CACNA2D1: variants seen among roughly 807,000 people sequenced by gnomAD.
The protein encoded by CACNA2D1 is voltage-dependent calcium channel subunit alpha-2/delta-1.
In CACNA2D1, 53 loss-of-function variants were observed where a neutral mutation model predicts 171.5. The ratio of observed to expected loss-of-function variants is 0.31; its 90% CI spans 0.25 to 0.39. The LOEUF is 0.39. Among genes scored for constraint, CACNA2D1 ranks in the 10% least tolerant of loss-of-function variants. The pLI is 1.00. For synonymous variants in CACNA2D1, 442 were observed against 443.1 expected (o/e 1.00, Z 0.03); for missense variants, 903 against 1,299.8 (o/e 0.69, Z 4.69).
chr7:82,349,502 T>C (rs1819605613), intron 2 of CACNA2D1, 66 bp downstream of exon 2: 5 of 1,230,036 alleles, frequency 4.1e-6, no homozygotes, highest in Middle Eastern at 2.2e-4. Context: ...CACAGTTTCC[T>C]AGAAGATAGA....
At position 81,946,533 on chromosome 7, in the gene CACNA2D1, CAG is replaced by C. The variant is rs1792064491; in HGVS notation, c.*3857_*3858del. Reference sequence around the variant, plus strand: ...TTCTGGGATTATAAATATTTTATAACAGTATTATACAAATTTTTACAAAATGT... The same window carrying C: ...TTCTGGGATTATAAATATTTTATAACTATTATACAAATTTTTACAAAATGT... On this transcript the variant is annotated 3_prime_UTR_variant, in exon 39 of 39. Transcript: ENST00000356860. The C allele has an allele frequency of 6.6e-6, 1 of 152,104 alleles. No homozygotes were observed. Among genetic ancestry groups the C allele is most frequent in the South Asian group, 2.1e-4 (1 of 4,828 alleles). 9.4% of individuals were successfully genotyped at this position (152,104 alleles called of 1,614,324 possible). A position where few individuals can be genotyped will look rare whatever the true frequency, so the allele number is the denominator to read the frequency against.
At chr7:82,334,210 A>G (rs1057498931) in intron 3 of CACNA2D1, among the ~76,000 whole-genome samples, 1 of 152,180 alleles carries the variant, frequency 6.6e-6, no homozygotes, top group Non-Finnish European at 1.5e-5. Flanking sequence ...ATATGTATCA[A>G]TGTGGGCTCA....
At chr7:82,092,600 A>T (rs1416415240) in intron 6 of CACNA2D1, among the ~76,000 whole-genome samples, 2 of 125,380 alleles carry the variant, frequency 1.6e-5, no homozygotes, top group African/African-American at 3.3e-5. Context: ...TCACCATGTT[A>T]GCTGGGATGG....
chr7:82,250,795 T>G (rs1163513152), intron 3 of CACNA2D1, among the ~76,000 whole-genome samples: 2 of 152,164 alleles, frequency 1.3e-5, no homozygotes, highest in Admixed American at 6.5e-5. Context: ...GAGTTCTGGT[T>G]TACTGGTAAT....
intron 18 of CACNA2D1, among the ~76,000 whole-genome samples, chr7:82,002,806 A>G (rs1253691016): frequency 2.6e-5 from 4 of 152,156 alleles, no homozygotes; most frequent in African/African-American, 7.2e-5. Context: ...TGAATCCTTA[A>G]AAAATTAAAT....
intron 1 of CACNA2D1, among the ~76,000 whole-genome samples, chr7:82,357,361 A>G (rs1257110127): frequency 2.0e-5 from 3 of 152,166 alleles, no homozygotes; most frequent in Non-Finnish European, 4.4e-5. Context: ...CTGTAAAAGT[A>G]TAACAGTTGA....
At chr7:82,307,438 C>T (rs1354922508) in intron 3 of CACNA2D1, among the ~76,000 whole-genome samples, 2 of 151,076 alleles carry the variant, frequency 1.3e-5, no homozygotes, top group South Asian at 2.1e-4. Flanking sequence ...ATTACAGGAG[C>T]GAGCCACCAT....
intron 1 of CACNA2D1, among the ~76,000 whole-genome samples, chr7:82,410,941 A>C (rs950725995): frequency 6.6e-6 from 1 of 152,326 alleles, no homozygotes; most frequent in Admixed American, 6.5e-5. Context: ...ATTCTAAAAT[A>C]AGCTTCTTTG....
rs1325510094 is a variant in CACNA2D1 at position 82,060,169 on chromosome 7, T to TATATATA, written c.879+252_879+258dup. Among the ~76,000 whole-genome samples the TATATATA allele has an allele frequency of 1.6e-3, 38 of 23,962 alleles. 3 individuals are homozygous for TATATATA. The highest frequency in any genetic ancestry group is 0.016 in the Middle Eastern group (1 of 64). 15.7% of individuals were successfully genotyped at this position (23,962 alleles called of 152,430 possible). A position where few individuals can be genotyped will look rare whatever the true frequency, so the allele number is the denominator to read the frequency against. Reference sequence around the variant, plus strand: ...ATATATGTATTATATATATATAATATATATATATAATATATATATATTATA... The same window carrying TATATATA: ...ATATATGTATTATATATATATAATATATATATAATATATATAATATATATATATTATA... On this transcript the variant is annotated intron_variant, in intron 10 of 38. Transcript: ENST00000356860.
intron 4 of CACNA2D1, among the ~76,000 whole-genome samples, chr7:82,139,854 G>A (rs1187032697): frequency 3.3e-5 from 5 of 149,806 alleles, no homozygotes; most frequent in Non-Finnish European, 5.9e-5. Flanking sequence ...GCATGATCTC[G>A]GCTCACTGCA....
intron 25 of CACNA2D1, among the ~76,000 whole-genome samples, chr7:81,973,471 G>C (rs1795507121): frequency 6.6e-6 from 1 of 151,968 alleles, no homozygotes; most frequent in Non-Finnish European, 1.5e-5. Context: ...TTAAGAGTCA[G>C]CTTTAAGAAA....
At chr7:82,351,388 G>A (rs1394909999) in intron 1 of CACNA2D1, among the ~76,000 whole-genome samples, 1 of 151,728 alleles carries the variant, frequency 6.6e-6, no homozygotes, top group Non-Finnish European at 1.5e-5. Flanking sequence ...AGAATGATGA[G>A]CTGATAAGAG....
chr7:82,364,042 T>C (rs1049208884), intron 1 of CACNA2D1, among the ~76,000 whole-genome samples: 10 of 152,134 alleles, frequency 6.6e-5, no homozygotes, highest in African/African-American at 2.4e-4. Flanking sequence ...AAGACCAGCC[T>C]GGCCAACATG....
chr7:82,305,742 T>C (rs1047191641), intron 3 of CACNA2D1, among the ~76,000 whole-genome samples: 10 of 152,218 alleles, frequency 6.6e-5, no homozygotes, highest in Non-Finnish European at 1.3e-4. Context: ...GATTTTCTCC[T>C]ATTAATTTGC....
chr7:82,021,856 G>A (rs1169505407), intron 12 of CACNA2D1, among the ~76,000 whole-genome samples: 3 of 151,948 alleles, frequency 2.0e-5, no homozygotes, highest in African/African-American at 7.2e-5. Context: ...GATATACTGT[G>A]AGCAGAGTTC....
At chr7:82,048,667 T>C (rs1225594476) in intron 10 of CACNA2D1, among the ~76,000 whole-genome samples, 1 of 152,158 alleles carries the variant, frequency 6.6e-6, no homozygotes, top group African/African-American at 2.4e-5. Flanking sequence ...TTTGAATTTC[T>C]TTTGAATTTT....
chr7:82,108,718 T>C (rs1788037572), intron 6 of CACNA2D1, among the ~76,000 whole-genome samples: 1 of 152,224 alleles, frequency 6.6e-6, no homozygotes, highest in South Asian at 2.1e-4. Context: ...TCTATGAATA[T>C]GCATGTATTA....
chr7:82,165,745 G>A (rs539179450), intron 4 of CACNA2D1, among the ~76,000 whole-genome samples: 2 of 152,008 alleles, frequency 1.3e-5, no homozygotes, highest in Non-Finnish European at 2.9e-5. Flanking sequence ...TTAAAAAGCC[G>A]TAACAAAAAA....
intron 3 of CACNA2D1, among the ~76,000 whole-genome samples, chr7:82,330,891 A>T (rs1042366070): frequency 2.0e-5 from 3 of 152,124 alleles, no homozygotes; most frequent in Non-Finnish European, 4.4e-5. Flanking sequence ...TTCACAATCA[A>T]ATTCACATTC....
Sources: gnomAD v4.1 joint callset for allele counts (sites outside exome capture counted in the v4.1 genomes callset) on GRCh38, gnomAD v4.1.1 for gene constraint, MANE v1.5 for transcripts, NCBI Gene and HGNC (gene_info 2026-07-23, HGNC 2026-07-21) for gene names.